The following PSPC1 variants were observed in gnomAD, a reference collection of about 807,000 sequenced individuals.
The protein encoded by PSPC1 is paraspeckle protein 1.
Under a neutral mutation model 51.6 loss-of-function variants are expected in PSPC1, and 14 were observed. That is an observed-to-expected ratio of 0.27 (90% CI 0.18 to 0.42). The LOEUF is 0.42. PSPC1 is among the 10% of genes least tolerant of loss of function. The probability of loss-of-function intolerance (pLI) is 1.00; values close to 1 mark genes in which losing one functional copy is unlikely to be tolerated. For synonymous variants in PSPC1, 193 were observed against 231.9 expected (o/e 0.83, Z 1.53); for missense variants, 406 against 701.1 (o/e 0.58, Z 4.75).
At chr13:19,697,524 G>C (rs1046666030), downstream of PSPC1, among the ~76,000 whole-genome samples, 1 of 152,126 alleles carries the variant, frequency 6.6e-6, no homozygotes, top group Non-Finnish European at 1.5e-5. Context: ...ACTAAGAAAA[G>C]TTTTTGTAGA....
intron 7 of PSPC1, among the ~76,000 whole-genome samples, chr13:19,708,928 T>C (rs1420454644): frequency 6.6e-6 from 1 of 152,000 alleles, no homozygotes; most frequent in African/African-American, 2.4e-5. Flanking sequence ...TTTGGGAAGC[T>C]GATGGGGGTA....
In PSPC1 at chr13:19,772,414, AAAC is replaced by A; in HGVS notation, c.499_501del (p.Val167del). The stretch of plus-strand genomic sequence containing the variant: ...AATGCTTGCTCTAGCAGCTCATTGG[AAAC>A]AACTGGAGAAAGGTTCTTGACAGTC... On this transcript the variant is annotated inframe_deletion, in exon 2 of 9. Coordinates refer to ENST00000338910, the MANE Select transcript of PSPC1 (RefSeq NM_001354909.2). The A allele has an allele frequency of 6.2e-7, 1 of 1,614,212 alleles. No individual in the cohort carries two copies. Among genetic ancestry groups the A allele is most frequent in the Non-Finnish European group, 8.5e-7 (1 of 1,180,042 alleles).
chr13:19,719,951 G>A (rs1449563921), intron 6 of PSPC1, among the ~76,000 whole-genome samples: 2 of 151,992 alleles, frequency 1.3e-5, no homozygotes, highest in Non-Finnish European at 2.9e-5. Context: ...CAAGTAGCTG[G>A]GACTACAAGG....
chr13:19,775,743 A>G (rs1889050125), intron 1 of PSPC1, among the ~76,000 whole-genome samples: 1 of 152,216 alleles, frequency 6.6e-6, no homozygotes, highest in South Asian at 2.1e-4. Context: ...GGTAGACTTT[A>G]GAAACAGTTT....
At chr13:19,737,904 A>G (rs1020570676) in intron 5 of PSPC1, among the ~76,000 whole-genome samples, 1 of 152,044 alleles carries the variant, frequency 6.6e-6, no homozygotes, top group Non-Finnish European at 1.5e-5. Context: ...TAAGCAACAT[A>G]GCATAATCCC....
intron 6 of PSPC1, among the ~76,000 whole-genome samples, chr13:19,694,452 A>C (rs993770857): frequency 6.6e-6 from 1 of 152,200 alleles, no homozygotes; most frequent in Non-Finnish European, 1.5e-5. Flanking sequence ...ATTGAACCCA[A>C]TGTAGTCAAA....
At chr13:19,781,552 A>G (rs189826056) in intron 1 of PSPC1, among the ~76,000 whole-genome samples, 1 of 152,272 alleles carries the variant, frequency 6.6e-6, no homozygotes, top group Admixed American at 6.5e-5. Flanking sequence ...ACTCTCCAGG[A>G]TGTTTGGTAG....
Position 19,781,662 on chromosome 13 carries a change from G to A in PSPC1, c.372+724C>T, listed in dbSNP as rs148212256. On this transcript the variant is annotated intron_variant, in intron 1 of 8. Coordinates refer to ENST00000338910, the MANE Select transcript of PSPC1 (RefSeq NM_001354909.2). The stretch of plus-strand genomic sequence containing the variant: ...GAGTTTGGGCACCTAAGCAGTTTGA[G>A]GTAAATAGCAGGCTGCACTGAGGTG... Among the ~76,000 whole-genome samples the A allele has an allele frequency of 3.2e-3, 493 of 152,232 alleles. 4 individuals carry two copies. The highest frequency in any genetic ancestry group is 0.011 in the African/African-American group (457 of 41,542).
rs531065939 is a variant in PSPC1 at position 19,781,145 on chromosome 13, C to CAA, written c.372+1239_372+1240dup. 7.3e-3 allele frequency among the ~76,000 whole-genome samples: 514 copies of CAA among 70,666 alleles called. 2 individuals are homozygous for CAA. The highest frequency in any genetic ancestry group is 0.035 in the South Asian group (65 of 1,876). 46.4% of individuals were successfully genotyped at this position (70,666 alleles called of 152,430 possible). ...TGGGTGATAGAGCGAGACCCAGTCTCAAAAAAAAAAAAAAAAAAGGCGTAA... is the reference window on the plus strand; with the variant it reads ...TGGGTGATAGAGCGAGACCCAGTCTCAAAAAAAAAAAAAAAAAAAAGGCGTAA... On this transcript the variant is annotated intron_variant, in intron 1 of 8. Coordinates refer to ENST00000338910, the MANE Select transcript of PSPC1 (RefSeq NM_001354909.2).
At chr13:19,728,487 G>GT (rs1883646695) in intron 6 of PSPC1, among the ~76,000 whole-genome samples, 4 of 109,536 alleles carry the variant, frequency 3.7e-5, no homozygotes, top group African/African-American at 1.8e-4. Context: ...CACACACACA[G>GT]CATTAAAATT....
At chr13:19,735,146 G>A (rs530448204) in intron 5 of PSPC1, among the ~76,000 whole-genome samples, 78 of 151,602 alleles carry the variant, frequency 5.1e-4, no homozygotes, top group Middle Eastern at 6.8e-3. Flanking sequence ...ACCACGTCTC[G>A]ACTAAAAATA....
At chr13:19,695,682 A>T (rs570216771) in intron 6 of PSPC1, among the ~76,000 whole-genome samples, 1 of 152,294 alleles carries the variant, frequency 6.6e-6, no homozygotes, top group Non-Finnish European at 1.5e-5. Flanking sequence ...AAGATGACAC[A>T]AAGTAAAAAC....
chr13:19,738,424 C>G (rs1885074984), intron 5 of PSPC1, among the ~76,000 whole-genome samples: 1 of 152,136 alleles, frequency 6.6e-6, no homozygotes, highest in South Asian at 2.1e-4. Context: ...TGCACATCCT[C>G]CTACACACTT....
At chr13:19,757,200 A>C (rs1887173525) in intron 3 of PSPC1, among the ~76,000 whole-genome samples, 1 of 152,028 alleles carries the variant, frequency 6.6e-6, no homozygotes, top group Non-Finnish European at 1.5e-5. Context: ...TGGGACCTTG[A>C]ACTTTGGGTT....
At chr13:19,708,563 C>T (rs554762346) in intron 7 of PSPC1, among the ~76,000 whole-genome samples, 294 of 152,270 alleles carry the variant, frequency 1.9e-3, no homozygotes, top group African/African-American at 6.7e-3. Flanking sequence ...TCCCTTGCAA[C>T]TTGGCTATAC....
At chr13:19,675,176 G>A (rs549918908) in intron 7 of PSPC1, 1 of 152,728 alleles carries the variant, frequency 6.5e-6, no homozygotes, top group East Asian at 1.9e-4. Flanking sequence ...GTTTCAGTAA[G>A]AACGATTTTT....
intron 6 of PSPC1, among the ~76,000 whole-genome samples, chr13:19,717,936 T>G (rs985174478): frequency 2.0e-5 from 3 of 151,736 alleles, no homozygotes; most frequent in African/African-American, 7.3e-5. Context: ...CTCAGGGTTT[T>G]GGGGGACCAA....
At chr13:19,761,691 G>A (rs981249612) in intron 2 of PSPC1, among the ~76,000 whole-genome samples, 1 of 152,130 alleles carries the variant, frequency 6.6e-6, no homozygotes, top group African/African-American at 2.4e-5. Flanking sequence ...AACTGAATAG[G>A]AACCCAAAGG....
At chr13:19,691,411 G>A (rs1457995084) in intron 6 of PSPC1, among the ~76,000 whole-genome samples, 1 of 151,906 alleles carries the variant, frequency 6.6e-6, no homozygotes, top group East Asian at 1.9e-4. Context: ...ATGCACCTGT[G>A]GTCCCTACTA....
Sources: gnomAD v4.1 joint callset for allele counts (sites outside exome capture counted in the v4.1 genomes callset) on GRCh38, gnomAD v4.1.1 for gene constraint, MANE v1.5 for transcripts, NCBI Gene and HGNC (gene_info 2026-07-23, HGNC 2026-07-21) for gene names.